Variants in CYP39A1 observed in about 807,000 individuals in gnomAD.
The protein encoded by CYP39A1 is cytochrome P450 family 39 subfamily A member 1, also known as 24-hydroxycholesterol 7-alpha-hydroxylase.
CYP39A1 carries 49 observed loss-of-function variants against 58.1 expected under a neutral mutation model. That is an observed-to-expected ratio of 0.84 (90% CI 0.67 to 1.07). CYP39A1 has a LOEUF of 1.07. CYP39A1 is among the 50% of genes least tolerant of loss of function. The pLI, the probability that CYP39A1 is intolerant of heterozygous loss-of-function variation, is 0.00. For missense variants in CYP39A1, 531 were observed against 539.4 expected, an observed-to-expected ratio of 0.98 and a Z score of 0.16; for synonymous variants, 209 against 187.6, an observed-to-expected ratio of 1.11 and a Z score of -0.93.
intron 7 of CYP39A1, among the ~76,000 whole-genome samples, chr6:46,603,119 T>C (rs6458512): frequency 0.075 from 11,403 of 152,196 alleles, 900 homozygotes; most frequent in African/African-American, 0.2. Flanking sequence ...TATGCAGCCA[T>C]AGCATAGGGT....
At chr6:46,563,358 C>T (rs1339139183) in intron 10 of CYP39A1, among the ~76,000 whole-genome samples, 2 of 152,126 alleles carry the variant, frequency 1.3e-5, no homozygotes, top group East Asian at 1.9e-4. Flanking sequence ...TAATGAGGCA[C>T]ATTGTTTATG....
intron 6 of CYP39A1, among the ~76,000 whole-genome samples, chr6:46,626,061 C>CTTTTTTTTGGCT (rs11452186): frequency 1.3e-5 from 2 of 151,390 alleles, no homozygotes; most frequent in Admixed American, 6.6e-5. Flanking sequence ...TTTTTTTTGG[C>CTTTTTTTTGGCT]TTTTTTTGGC....
At chr6:46,624,998 G>C (rs900194531) in intron 7 of CYP39A1, among the ~76,000 whole-genome samples, 2 of 151,994 alleles carry the variant, frequency 1.3e-5, no homozygotes, top group Non-Finnish European at 2.9e-5. Flanking sequence ...AGCCTTACCT[G>C]ACCTCTACAG....
At chr6:46,646,519 G>T (rs149141229) in intron 1 of CYP39A1, among the ~76,000 whole-genome samples, 66 of 152,074 alleles carry the variant, frequency 4.3e-4, no homozygotes, top group African/African-American at 8.2e-4. Flanking sequence ...AGTAATACTT[G>T]TCTGTAGTTT....
intron 5 of CYP39A1, among the ~76,000 whole-genome samples, chr6:46,635,774 G>A (rs1421292760): frequency 1.3e-5 from 2 of 152,046 alleles, no homozygotes; most frequent in African/African-American, 4.8e-5. Context: ...TGTTGCCCAG[G>A]TTGGTCTCGA....
chr6:46,647,127 T>C (rs1272867972), intron 1 of CYP39A1, among the ~76,000 whole-genome samples: 1 of 152,130 alleles, frequency 6.6e-6, no homozygotes, highest in African/African-American at 2.4e-5. Flanking sequence ...TGAAAGTTTA[T>C]CGATTTCAGG....
In CYP39A1 at chr6:46,586,934, G is replaced by A. The variant is rs569561445; in HGVS notation, c.1250+143C>T. 225 of 656,314 alleles carry A rather than the reference G, an allele frequency of 3.4e-4. 1 individual carries two copies. The South Asian group carries it at 4.5e-3, about 13-fold the overall frequency. 40.7% of individuals were successfully genotyped at this position (656,314 alleles called of 1,614,324 possible). ...CAGAGAGACACTGCACAGGACCACA[G>A]ATAAACCAGACAAAATGTGTTCTTC... On this transcript the variant is annotated intron_variant, in intron 10 of 11. Transcript: ENST00000275016.
At chr6:46,556,299 A>G (rs541802772) in intron 10 of CYP39A1, among the ~76,000 whole-genome samples, 1 of 152,336 alleles carries the variant, frequency 6.6e-6, no homozygotes, top group East Asian at 1.9e-4. Context: ...CACAGGTCTG[A>G]GAGTATTATT....
intron 10 of CYP39A1, among the ~76,000 whole-genome samples, chr6:46,572,468 T>C (rs1237313647): frequency 1.3e-5 from 2 of 152,202 alleles, no homozygotes; most frequent in African/African-American, 2.4e-5. Context: ...GTTTTTTCTT[T>C]CAGTAGTTTG....
At chr6:46,649,878 T>C (rs1762562932) in intron 1 of CYP39A1, among the ~76,000 whole-genome samples, 1 of 152,110 alleles carries the variant, frequency 6.6e-6, no homozygotes, top group African/African-American at 2.4e-5. Context: ...GTCACCAAAG[T>C]TGTCTCTTCT....
intron 10 of CYP39A1, among the ~76,000 whole-genome samples, chr6:46,567,565 T>C (rs1771363490): frequency 6.6e-6 from 1 of 152,102 alleles, no homozygotes; most frequent in African/African-American, 2.4e-5. Flanking sequence ...ATAGCAGCTG[T>C]TCCATTTTAC....
At chr6:46,622,872 C>A (rs991616073) in intron 7 of CYP39A1, among the ~76,000 whole-genome samples, 5 of 152,094 alleles carry the variant, frequency 3.3e-5, no homozygotes, top group Non-Finnish European at 5.9e-5. Context: ...CAAGAGTAGG[C>A]TGAAAGGCAG....
rs920833958 is a variant in CYP39A1, at chr6:46,635,812, G to A, written c.732+577C>T. 9.2e-5 allele frequency among the ~76,000 whole-genome samples: 14 copies of A among 151,906 alleles called. 1 individual carries two copies. Among genetic ancestry groups the A allele is most frequent in the African/African-American group, 2.9e-4 (12 of 41,316 alleles). On this transcript the variant is annotated intron_variant, in intron 5 of 11. Transcript: ENST00000275016. ...TCCTGGGCTTAAGCAATTCTCCTGC[G>A]TCGGCCCCCCAAAGTGCTGGGATTA...
Position 46,637,930 on chromosome 6 carries a change from C to G in CYP39A1, c.537G>C (p.Leu179Phe). Residue 179 changes from leucine to phenylalanine, a missense_variant, in exon 4 of 12, where the codon TTG (leucine) becomes TTC (phenylalanine). Leu to Phe is a conservative substitution (Grantham distance 22). Transcript: ENST00000275016. ...TGATTTTTTTCTTGTTTGTGGAAAA[C>G]AAACTTTTATTAAAGAGCATATTCA... ...VTVNMLFNKSLFSTNKKKIKE... is the reference protein window; with the variant it reads ...VTVNMLFNKSFFSTNKKKIKE... 1 of 1,612,918 alleles carries G rather than the reference C, an allele frequency of 6.2e-7. No homozygotes were observed. The highest frequency in any genetic ancestry group is 8.5e-7 in the Non-Finnish European group (1 of 1,179,736).
chr6:46,567,899 A>G (rs1160695249), intron 10 of CYP39A1, among the ~76,000 whole-genome samples: 1 of 152,080 alleles, frequency 6.6e-6, no homozygotes, highest in Non-Finnish European at 1.5e-5. Flanking sequence ...GTGAGCTCTG[A>G]TAGGTGAGTT....
chr6:46,619,673 C>T (rs1774836653), intron 7 of CYP39A1, among the ~76,000 whole-genome samples: 1 of 152,038 alleles, frequency 6.6e-6, no homozygotes, highest in South Asian at 2.1e-4. Flanking sequence ...GTACATGTCT[C>T]CAAAGAAACA....
rs1762471116 is a variant in CYP39A1, at chr6:46,648,519, G to T, written c.177+3887C>A. On this transcript the variant is annotated intron_variant, in intron 1 of 11. Coordinates refer to ENST00000275016, the MANE Select transcript of CYP39A1 (RefSeq NM_016593.5). ...ACACACCGGGGCCTGTTGTTGGGTG[G>T]GGGGAGGGGGGAGGGGGGAGGGATA... Among the ~76,000 whole-genome samples the T allele has an allele frequency of 5.5e-5, 6 of 109,536 alleles. No homozygotes were observed. The South Asian group carries it at 2.6e-3, about 48-fold the overall frequency. 71.9% of individuals were successfully genotyped at this position (109,536 alleles called of 152,430 possible). A position where few individuals can be genotyped will look rare whatever the true frequency, so the allele number is the denominator to read the frequency against.
intron 6 of CYP39A1, among the ~76,000 whole-genome samples, chr6:46,626,061 C>CTT (rs11452186): frequency 4.6e-5 from 7 of 151,390 alleles, no homozygotes; most frequent in African/African-American, 1.5e-4. Context: ...TTTTTTTTGG[C>CTT]TTTTTTTGGC....
At chr6:46,598,813 C>T (rs2150528338) in intron 7 of CYP39A1, among the ~76,000 whole-genome samples, 1 of 152,070 alleles carries the variant, frequency 6.6e-6, no homozygotes, top group Non-Finnish European at 1.5e-5. Flanking sequence ...AATGAGAAAT[C>T]CTGAGGTTCT....
Sources: allele counts gnomAD v4.1 joint callset (sites outside exome capture counted in the v4.1 genomes callset), GRCh38; gene constraint gnomAD v4.1.1; transcripts MANE v1.5; gene names NCBI Gene and HGNC (gene_info 2026-07-23, HGNC 2026-07-21).